Variants in RBFOX1 observed in about 807,000 individuals in gnomAD.
RBFOX1 encodes the protein RNA binding fox-1 homolog 1.
RBFOX1 carries 8 observed loss-of-function variants against 57.7 expected under a neutral mutation model. The observed-to-expected ratio is 0.14, with a 90% confidence interval of 0.08 to 0.25. The LOEUF is 0.25. Ranked by LOEUF, RBFOX1 falls within the 10% of genes least tolerant of loss-of-function variation. RBFOX1 has a pLI of 1.00. For missense variants in RBFOX1, 611 were observed against 548.5 expected (o/e 1.11, Z -1.14); for synonymous variants, 326 against 222.4 (o/e 1.47, Z -4.15).
Position 7,087,514 on chromosome 16 carries a change from C to A in RBFOX1, c.27+35416C>A, listed in dbSNP as rs894609755. ...GAATTTGTTACCTAAGCAGGCTTGA[C>A]AGAAAAGAGAAGAAGGGCAAGAGTT... On this transcript the variant is annotated intron_variant, in intron 4 of 15. Transcript: ENST00000550418. 7.4e-5 allele frequency among the ~76,000 whole-genome samples: 10 copies of A among 135,600 alleles called. No homozygotes were observed. In the South Asian group the frequency reaches 1.4e-3, roughly 19 times the overall value. The allele number at this position is 135,600 out of a possible 152,430, so 89.0% of individuals were successfully genotyped here.
chr16:7,401,289 C>A (rs778143698), intron 4 of RBFOX1, among the ~76,000 whole-genome samples: 2 of 152,146 alleles, frequency 1.3e-5, no homozygotes, highest in Non-Finnish European at 2.9e-5. Flanking sequence ...AAAGGTGAAG[C>A]TTTTCATATT....
chr16:7,128,171 C>G (rs1023064844), intron 4 of RBFOX1, among the ~76,000 whole-genome samples: 2 of 152,196 alleles, frequency 1.3e-5, no homozygotes, highest in African/African-American at 4.8e-5. Flanking sequence ...CTGACAAGAA[C>G]AATAAAATCC....
At chr16:6,874,291 T>C (rs895207674) in intron 3 of RBFOX1, among the ~76,000 whole-genome samples, 1 of 151,802 alleles carries the variant, frequency 6.6e-6, no homozygotes, top group Admixed American at 6.6e-5. Flanking sequence ...AGGTGGATAA[T>C]CTGAGGTCAG....
At chr16:7,353,572 C>A (rs914847534) in intron 4 of RBFOX1, among the ~76,000 whole-genome samples, 1 of 152,086 alleles carries the variant, frequency 6.6e-6, no homozygotes, top group Non-Finnish European at 1.5e-5. Flanking sequence ...TGTTCATCAA[C>A]TAAGAAATGG....
At chr16:7,347,282 C>T (rs2097030092) in intron 4 of RBFOX1, among the ~76,000 whole-genome samples, 1 of 152,144 alleles carries the variant, frequency 6.6e-6, no homozygotes, top group Non-Finnish European at 1.5e-5. Context: ...GCTTATTGGG[C>T]TTACAGTTCC....
chr16:6,820,592 G>A (rs1299987252), intron 3 of RBFOX1, among the ~76,000 whole-genome samples: 1 of 152,120 alleles, frequency 6.6e-6, no homozygotes. Context: ...CCGGGAGTTA[G>A]AGGCTGCTGC....
chr16:6,417,570 A>G (rs953259929), intron 2 of RBFOX1, among the ~76,000 whole-genome samples: 5 of 150,750 alleles, frequency 3.3e-5, no homozygotes, highest in African/African-American at 1.2e-4. Flanking sequence ...TTATATATGT[A>G]GTAGAGACGG....
intron 1 of RBFOX1, among the ~76,000 whole-genome samples, chr16:5,386,912 G>A (rs966950129): frequency 2.6e-5 from 4 of 152,148 alleles, no homozygotes; most frequent in East Asian, 1.9e-4. Context: ...TTAGCTGGGC[G>A]TGGTGGTGGG....
chr16:5,629,745 G>C (rs2048445737), intron 3 of RBFOX1, among the ~76,000 whole-genome samples: 1 of 152,204 alleles, frequency 6.6e-6, no homozygotes, highest in Non-Finnish European at 1.5e-5. Flanking sequence ...TTCAGCCGAA[G>C]GACCTGACGT....
chr16:5,741,793 A>C (rs2052776761), intron 3 of RBFOX1, among the ~76,000 whole-genome samples: 1 of 152,218 alleles, frequency 6.6e-6, no homozygotes, highest in Admixed American at 6.5e-5. Flanking sequence ...ACTTTCGTTA[A>C]AGAAATAAAA....
intron 10 of RBFOX1, among the ~76,000 whole-genome samples, chr16:7,621,531 G>A (rs529505832): frequency 3.3e-5 from 5 of 152,126 alleles, no homozygotes; most frequent in East Asian, 1.9e-4. Flanking sequence ...CAAAGTGCTG[G>A]GATTACAGGC....
chr16:5,556,739 A>C (rs943712093), intron 2 of RBFOX1, among the ~76,000 whole-genome samples: 1 of 152,182 alleles, frequency 6.6e-6, no homozygotes, highest in Admixed American at 6.5e-5. Context: ...GAGATGCATG[A>C]CATGTCCCCA....
At chr16:7,248,091 C>T (rs532845660) in intron 4 of RBFOX1, among the ~76,000 whole-genome samples, 3 of 152,208 alleles carry the variant, frequency 2.0e-5, no homozygotes, top group African/African-American at 7.2e-5. Flanking sequence ...GAAGAATAAC[C>T]GCTGATTTTA....
At chr16:5,987,598 G>A (rs2060307814) in intron 4 of RBFOX1, among the ~76,000 whole-genome samples, 1 of 152,142 alleles carries the variant, frequency 6.6e-6, no homozygotes, top group African/African-American at 2.4e-5. Flanking sequence ...AGGTACTCGG[G>A]AGGCAGAGGC....
At chr16:6,677,462 T>A (rs1229367356) in intron 3 of RBFOX1, among the ~76,000 whole-genome samples, 1 of 152,072 alleles carries the variant, frequency 6.6e-6, no homozygotes, top group Non-Finnish European at 1.5e-5. Flanking sequence ...GCTACCTACA[T>A]CAAAAGATCC....
At position 5,634,487 on chromosome 16, in the gene RBFOX1, T is replaced by C. The variant is rs2048620050; in HGVS notation, c.318+35526T>C. Reference sequence around the variant, plus strand: ...GGAGTAAACAAAATTAAAGAACTTGTACAAAATGCTAAACATATTTTTTTT... The same window carrying C: ...GGAGTAAACAAAATTAAAGAACTTGCACAAAATGCTAAACATATTTTTTTT... On this transcript the variant is annotated intron_variant, in intron 3 of 19. Transcript: ENST00000641259. Among the ~76,000 whole-genome samples, 4 of 152,190 alleles carry C rather than the reference T, an allele frequency of 2.6e-5. No individual in the cohort carries two copies. In the South Asian group the frequency reaches 8.3e-4, roughly 31 times the overall value.
intron 1 of RBFOX1, among the ~76,000 whole-genome samples, chr16:6,256,786 T>G (rs2097670472): frequency 6.6e-6 from 1 of 152,124 alleles, no homozygotes; most frequent in Non-Finnish European, 1.5e-5. Flanking sequence ...TTGACTAATG[T>G]TCCCTGGGAA....
chr16:7,394,895 G>A lies in RBFOX1; in HGVS notation c.28-123252G>A, dbSNP rs530223494. Among the ~76,000 whole-genome samples the A allele has an allele frequency of 2.1e-4, 32 of 152,228 alleles. No homozygotes were observed. In the South Asian group the frequency reaches 6.4e-3, roughly 31 times the overall value. ...CTTCCCACCCTCCTTGCCGTCCCCT[G>A]CAGCCTTCATGTCTGTGCATACATA... On this transcript the variant is annotated intron_variant, in intron 4 of 15. Transcript: ENST00000550418.
chr16:7,532,855 C>G (rs2152392577), intron 5 of RBFOX1, among the ~76,000 whole-genome samples: 1 of 152,312 alleles, frequency 6.6e-6, no homozygotes, highest in South Asian at 2.1e-4. Context: ...TTGTTTGACC[C>G]TCAACAGAAA....
Sources: allele counts gnomAD v4.1 joint callset (sites outside exome capture counted in the v4.1 genomes callset), GRCh38; gene constraint gnomAD v4.1.1; transcripts MANE v1.5; gene names NCBI Gene and HGNC (gene_info 2026-07-23, HGNC 2026-07-21).